Variants in CELSR1 observed in about 807,000 individuals in gnomAD.
CELSR1 encodes the protein cadherin EGF LAG seven-pass G-type receptor 1, also known as adhesion G protein-coupled receptor C1.
In CELSR1, 110 loss-of-function variants were observed where a neutral mutation model predicts 249.1. That is an observed-to-expected ratio of 0.44 (90% confidence interval 0.38 to 0.52). The LOEUF (loss-of-function observed/expected upper bound fraction) is 0.52. Among genes scored for constraint, CELSR1 ranks in the 20% least tolerant of loss-of-function variants. The pLI is 0.00. For missense variants in CELSR1, 4,109 were observed against 4,296.4 expected, an observed-to-expected ratio of 0.96 and a Z score of 1.22; for synonymous variants, 2,113 against 1,900.0, an observed-to-expected ratio of 1.11 and a Z score of -2.92.
chr22:46,536,118 C>T lies in CELSR1; in HGVS notation c.1053G>A (p.Pro351=). The change falls in exon 1 of 35, where the codon CCG becomes CCA. Residue 351 remains proline, a synonymous_variant. Transcript: ENST00000674500. The part of the protein sequence containing the change: ...VLVKDTNDHS[P]VFEQSEYRER... ...CGCGGTACTCCGACTGCTCGAAGACCGGGCTGTGGTCGTTGGTGTCTTTGA... is the reference window on the plus strand; with the variant it reads ...CGCGGTACTCCGACTGCTCGAAGACTGGGCTGTGGTCGTTGGTGTCTTTGA... 7 of 1,612,628 alleles carry T rather than the reference C, an allele frequency of 4.3e-6. No homozygotes were observed. Among genetic ancestry groups the T allele is most frequent in the Non-Finnish European group, 5.1e-6 (6 of 1,179,992 alleles).
At chr22:46,456,896 C>T (rs1243094621) in intron 2 of CELSR1, among the ~76,000 whole-genome samples, 1 of 110,982 alleles carries the variant, frequency 9.0e-6, no homozygotes, top group African/African-American at 4.1e-5. Flanking sequence ...TGACCTGGGG[C>T]GGGGGGTGGG....
Position 46,397,741 on chromosome 22 carries a change from C to G in CELSR1, c.5634G>C (p.Ser1878=). The G allele has an allele frequency of 3.1e-6, 5 of 1,592,174 alleles. No individual in the cohort carries two copies. The highest frequency in any genetic ancestry group is 4.3e-6 in the Non-Finnish European group (5 of 1,168,288). The change falls in exon 12 of 35, where the codon TCG becomes TCC. Residue 1878 remains serine, a synonymous_variant. Transcript: ENST00000674500. ...AGCGGCTATTGGGGGGACAGGGGCTCGAGGTACAGGGGTCGTCCACATCAC... is the reference window on the plus strand; with the variant it reads ...AGCGGCTATTGGGGGGACAGGGGCTGGAGGTACAGGGGTCGTCCACATCAC... The part of the protein sequence containing the change: ...DGCDVDDPCT[S]SPCPPNSRCH...
rs59470297 is a variant in CELSR1, at chr22:46,506,173, CAAAAAAAAAAA to C, written c.3544+27443_3544+27453del. Among the ~76,000 whole-genome samples, 45 of 137,040 alleles carry C rather than the reference CAAAAAAAAAAA, an allele frequency of 3.3e-4. No individual in the cohort carries two copies. Among genetic ancestry groups the C allele is most frequent in the Non-Finnish European group, 2.7e-4 (17 of 64,136 alleles). 89.9% of individuals were successfully genotyped at this position (137,040 alleles called of 152,430 possible). A position where few individuals can be genotyped will look rare whatever the true frequency, so the allele number is the denominator to read the frequency against. ...CAGCCTGGGCGACAGAGACTGTCTC[CAAAAAAAAAAA>C]AAAAAAAAAGAAAAAGAAAGAAAGA... On this transcript the variant is annotated intron_variant, in intron 1 of 34. Transcript: ENST00000674500. This position sits in a 1 kb window ranked among gnomAD's most constrained non-coding sequence, Gnocchi z 4.1.
At position 46,398,445 on chromosome 22, in the gene CELSR1, G is replaced by T; in HGVS notation, c.5526+79C>A. ...TTGAAAGCTAACAGGTTGACCAACG[G>T]AACCACCTATGGTGCTGCCAGCCTC... On this transcript the variant is annotated intron_variant, in intron 11 of 34. Coordinates refer to ENST00000674500, the MANE Select transcript of CELSR1 (RefSeq NM_001378328.1). This position sits in a 1 kb window ranked among gnomAD's most constrained non-coding sequence, Gnocchi z 7.2. 2.0e-6 allele frequency: 2 copies of T among 990,192 alleles called. No individual in the cohort carries two copies. The highest frequency in any genetic ancestry group is 3.0e-6 in the Non-Finnish European group (2 of 665,846). 61.3% of individuals were successfully genotyped at this position (990,192 alleles called of 1,614,324 possible).
At position 46,406,040 on chromosome 22, in the gene CELSR1, G is replaced by A. The variant is rs2079262665; in HGVS notation, c.5226+2956C>T. Among the ~76,000 whole-genome samples, 1 of 152,148 alleles carries A rather than the reference G, an allele frequency of 6.6e-6. No homozygotes were observed. The highest frequency in any genetic ancestry group is 2.4e-5 in the African/African-American group (1 of 41,440). Reference sequence around the variant, plus strand: ...CTGGCAAAATTCCTAATCTGGGGATGAGCCCTCCATGATGTAATTACACAA... The same window carrying A: ...CTGGCAAAATTCCTAATCTGGGGATAAGCCCTCCATGATGTAATTACACAA... On this transcript the variant is annotated intron_variant, in intron 9 of 34. Transcript: ENST00000674500. The surrounding 1 kb of genome is among the most constrained non-coding windows in gnomAD (Gnocchi z 5.4).
intron 1 of CELSR1, among the ~76,000 whole-genome samples, chr22:46,523,555 T>TAAATAAATAAATAAATAAATA (rs1381881715): frequency 1.7e-4 from 20 of 114,286 alleles, no homozygotes; most frequent in African/African-American, 5.3e-4. Flanking sequence ...AATAAATAAA[T>TAAATAAATAAATAAATAAATA]AAATAAAATA....
Position 46,365,158 on chromosome 22 carries a change from C to T in CELSR1, c.8554+73G>A, listed in dbSNP as rs189299064. 2,736 of 1,531,444 alleles carry T rather than the reference C, an allele frequency of 1.8e-3. 13 individuals are homozygous for T. The African/African-American group carries it at 0.019, about 11-fold the overall frequency. The allele number at this position is 1,531,444 out of a possible 1,614,324, so 94.9% of individuals were successfully genotyped here. A position where few individuals can be genotyped will look rare whatever the true frequency, so the allele number is the denominator to read the frequency against. On this transcript the variant is annotated intron_variant, in intron 32 of 34. Coordinates refer to ENST00000674500, the MANE Select transcript of CELSR1 (RefSeq NM_001378328.1). ...GGGCATATCCTGGGAGGAAGGGACC[C>T]AGCCATAGCCAAGGCCTGCCCCGAG...
rs1013786054 is a variant in CELSR1, at chr22:46,374,802, C to T, written c.7585-1745G>A. 3.3e-5 allele frequency among the ~76,000 whole-genome samples: 5 copies of T among 152,154 alleles called. No homozygotes were observed. Among genetic ancestry groups the T allele is most frequent in the African/African-American group, 1.2e-4 (5 of 41,398 alleles). ...TGCGCGGATGAGAACGTGCCCATTG[C>T]GGGGATGCGCCCGGCTGCGGATGTG... On this transcript the variant is annotated intron_variant, in intron 24 of 34. Coordinates refer to ENST00000674500, the MANE Select transcript of CELSR1 (RefSeq NM_001378328.1). The surrounding 1 kb of genome is among the most constrained non-coding windows in gnomAD (Gnocchi z 4.3).
rs184663663 is a variant in CELSR1, at chr22:46,441,951, C to T, written c.4184-2540G>A. 8.8e-3 allele frequency among the ~76,000 whole-genome samples: 1,342 copies of T among 152,214 alleles called. 19 individuals carry two copies. Among genetic ancestry groups the T allele is most frequent in the Non-Finnish European group, 0.013 (886 of 68,022 alleles). On this transcript the variant is annotated intron_variant, in intron 2 of 34. Transcript: ENST00000674500. The surrounding 1 kb of genome is among the most constrained non-coding windows in gnomAD (Gnocchi z 6.1). ...ATTACCAGAGGTCGAGAGTTCAAGA[C>T]CAGCCTAACCAACATGGTGAAACCT...
chr22:46,361,513 A>G lies in CELSR1; in HGVS notation c.*1710T>C, dbSNP rs890655120. The G allele has an allele frequency of 5.9e-5, 9 of 152,244 alleles. No homozygotes were observed. Among genetic ancestry groups the G allele is most frequent in the Non-Finnish European group, 8.8e-5 (6 of 68,040 alleles). The allele number at this position is 152,244 out of a possible 1,614,324, so 9.4% of individuals were successfully genotyped here. A position where few individuals can be genotyped will look rare whatever the true frequency, so the allele number is the denominator to read the frequency against. On this transcript the variant is annotated 3_prime_UTR_variant, in exon 35 of 35. Coordinates refer to ENST00000674500, the MANE Select transcript of CELSR1 (RefSeq NM_001378328.1). ...ACTTAAAAACCTTTTCGTACTTAGG[A>G]AACGCCAGGGGCAAACGTTTAAAGG... is the stretch of plus-strand genomic sequence containing the variant.
intron 2 of CELSR1, among the ~76,000 whole-genome samples, chr22:46,449,719 C>G (rs2079860643): frequency 6.6e-6 from 1 of 151,920 alleles, no homozygotes. Context: ...ATGGAAAAAG[C>G]AGAGGGGGAA....
In CELSR1 at chr22:46,448,538, A is replaced by G. The variant is rs1458813151; in HGVS notation, c.4184-9127T>C. 6.9e-6 allele frequency: 3 copies of G among 436,376 alleles called. No homozygotes were observed. Among genetic ancestry groups the G allele is most frequent in the Non-Finnish European group, 9.1e-6 (2 of 220,316 alleles). The allele number at this position is 436,376 out of a possible 1,614,324, so 27.0% of individuals were successfully genotyped here. ...CCACTTAAGTTCTTAAATAAATAAAAAGACAATTCCTTTCTGGTCCTAAGA... is the reference window on the plus strand; with the variant it reads ...CCACTTAAGTTCTTAAATAAATAAAGAGACAATTCCTTTCTGGTCCTAAGA... On this transcript the variant is annotated intron_variant, in intron 2 of 34. Transcript: ENST00000674500. This position sits in a 1 kb window ranked among gnomAD's most constrained non-coding sequence, Gnocchi z 5.7.
In CELSR1 at chr22:46,471,142, A is replaced by G. The variant is rs1302861750; in HGVS notation, c.3545-6797T>C. 6.6e-6 allele frequency among the ~76,000 whole-genome samples: 1 copy of G among 152,038 alleles called. No homozygotes were observed. The highest frequency in any genetic ancestry group is 6.6e-5 in the Admixed American group (1 of 15,236). ...TCCACCTCAAAAAAACAACAACAAA[A>G]AAGGAAGGAGTTACTCTTTCACACA... On this transcript the variant is annotated intron_variant, in intron 1 of 34. Transcript: ENST00000674500. The surrounding 1 kb of genome is among the most constrained non-coding windows in gnomAD (Gnocchi z 4.9).
rs1479441222 is a variant in CELSR1, at chr22:46,441,518, CACTT to C, written c.4184-2111_4184-2108del. On this transcript the variant is annotated intron_variant, in intron 2 of 34. Transcript: ENST00000674500. This position sits in a 1 kb window ranked among gnomAD's most constrained non-coding sequence, Gnocchi z 6.1. Reference sequence around the variant, plus strand: ...AGAGATCGGGGGCTTATACAACAGACACTTACTTCCCAGAGCTCTGGAGGTTGGA... The same window carrying C: ...AGAGATCGGGGGCTTATACAACAGACACTTCCCAGAGCTCTGGAGGTTGGA... Among the ~76,000 whole-genome samples, 3 of 152,156 alleles carry C rather than the reference CACTT, an allele frequency of 2.0e-5. No individual in the cohort carries two copies. Among genetic ancestry groups the C allele is most frequent in the African/African-American group, 7.2e-5 (3 of 41,442 alleles).
At chr22:46,465,529 G>A (rs2080087165) in intron 1 of CELSR1, among the ~76,000 whole-genome samples, 2 of 152,170 alleles carry the variant, frequency 1.3e-5, no homozygotes, top group African/African-American at 2.4e-5. Context: ...AGGGTGATGA[G>A]GCCCAGAGGC....
chr22:46,497,184 T>A (rs1049976398), intron 1 of CELSR1, among the ~76,000 whole-genome samples: 2 of 152,222 alleles, frequency 1.3e-5, no homozygotes, highest in African/African-American at 4.8e-5. Flanking sequence ...GACAGAAACA[T>A]CATTATGCCT....
chr22:46,503,931 G>A lies in CELSR1; in HGVS notation c.3544+29696C>T, dbSNP rs1468620090. On this transcript the variant is annotated intron_variant, in intron 1 of 34. Transcript: ENST00000674500. ...CATCCGTAGTCCCAGCTACTCAGGAGGCTGAGGCAGGAGGATGGCTTGAAC... is the reference window on the plus strand; with the variant it reads ...CATCCGTAGTCCCAGCTACTCAGGAAGCTGAGGCAGGAGGATGGCTTGAAC... 3.0e-4 allele frequency among the ~76,000 whole-genome samples: 45 copies of A among 152,160 alleles called. 1 individual carries two copies. Among genetic ancestry groups the A allele is most frequent in the Admixed American group, 2.9e-3 (45 of 15,268 alleles).
intron 18 of CELSR1, 39 bp from the exon 19 acceptor site, chr22:46,386,624 G>GGCCTGGCTCGTGGGACGGAGGGAC: frequency 6.7e-7 from 1 of 1,498,622 alleles, no homozygotes; most frequent in Middle Eastern, 1.8e-4. Flanking sequence ...AGCCTGCGGA[G>GGCCTGGCTCGTGGGACGGAGGGAC]GCCTGGCTCG....
Position 46,363,966 on chromosome 22 carries a change from A to G in CELSR1, c.9035+30T>C. Reference sequence around the variant, plus strand: ...ACTCAGGACAAGGGGGAAGTGGGTGATCCCCGCCCTGGAGGCCCAGGCTAC... The same window carrying G: ...ACTCAGGACAAGGGGGAAGTGGGTGGTCCCCGCCCTGGAGGCCCAGGCTAC... On this transcript the variant is annotated intron_variant, in intron 34 of 34. Coordinates refer to ENST00000674500, the MANE Select transcript of CELSR1 (RefSeq NM_001378328.1). The surrounding 1 kb of genome is among the most constrained non-coding windows in gnomAD (Gnocchi z 4.3). 2 of 1,551,462 alleles carry G rather than the reference A, an allele frequency of 1.3e-6. No individual in the cohort carries two copies. Among genetic ancestry groups the G allele is most frequent in the Non-Finnish European group, 1.7e-6 (2 of 1,150,266 alleles).
Sources: gnomAD v4.1 joint callset for allele counts (sites outside exome capture counted in the v4.1 genomes callset) on GRCh38, gnomAD v4.1.1 for gene constraint, Gnocchi (gnomAD v3.1) non-coding constraint, MANE v1.5 for transcripts, NCBI Gene and HGNC (gene_info 2026-07-23, HGNC 2026-07-21) for gene names.